Variants in PAM observed in about 807,000 individuals in gnomAD.
PAM encodes peptidyl-glycine alpha-amidating monooxygenase.
In PAM, 72 loss-of-function variants were observed where a neutral mutation model predicts 122.1. That is an observed-to-expected ratio of 0.59 (90% CI 0.49 to 0.72). The LOEUF (loss-of-function observed/expected upper bound fraction) is 0.72. Among genes scored for constraint, PAM ranks in the 30% least tolerant of loss-of-function variants. The pLI, the probability that PAM is intolerant of heterozygous loss-of-function variation, is 0.00. For synonymous variants in PAM, 389 were observed against 404.4 expected, an observed-to-expected ratio of 0.96 and a Z score of 0.46; for missense variants, 1,106 against 1,183.7, an observed-to-expected ratio of 0.93 and a Z score of 0.96.
Position 102,859,335 on chromosome 5 carries a change from A to G in PAM, c.-373-6488A>G, listed in dbSNP as rs1023227344. ...TGCTGATCTTGTATAGGCCCAGGCT[A>G]GTGTGTGTGTGTGTGTGTGTGTGTG... On this transcript the variant is annotated intron_variant, in intron 1 of 25. Transcript: ENST00000438793. Among the ~76,000 whole-genome samples, 136 of 142,418 alleles carry G rather than the reference A, an allele frequency of 9.5e-4. 1 individual carries two copies. The highest frequency in any genetic ancestry group is 4.3e-3 in the Admixed American group (61 of 14,246). 93.4% of individuals were successfully genotyped at this position (142,418 alleles called of 152,430 possible).
At chr5:102,825,711 G>T (rs1428884836) in intron 1 of PAM, among the ~76,000 whole-genome samples, 3 of 152,140 alleles carry the variant, frequency 2.0e-5, no homozygotes, top group African/African-American at 7.2e-5. Context: ...AGCCAGGTTT[G>T]GTGGCATGTG....
chr5:102,848,106 T>C (rs543689129), intron 1 of PAM, among the ~76,000 whole-genome samples: 1 of 152,198 alleles, frequency 6.6e-6, no homozygotes, highest in African/African-American at 2.4e-5. Context: ...TTCTGTAAAA[T>C]TTATTTGGAT....
intron 22 of PAM, among the ~76,000 whole-genome samples, 168 bp downstream of exon 22, chr5:103,017,601 A>G (rs991393219): frequency 6.6e-6 from 1 of 152,216 alleles, no homozygotes; most frequent in Non-Finnish European, 1.5e-5. Context: ...GTGGAAAGAA[A>G]CGATTTTTTT....
rs976466035 is a variant in PAM at position 102,824,422 on chromosome 5, T to C, written c.-373-41401T>C. On this transcript the variant is annotated intron_variant, in intron 1 of 25. Coordinates refer to ENST00000438793, the MANE Select transcript of PAM (RefSeq NM_001177306.2). ...TCATTCTATGTACAAATGGAAGGTG[T>C]AATATGTGATAGTCACTGGGATAGT... Among the ~76,000 whole-genome samples the C allele has an allele frequency of 1.1e-4, 16 of 152,344 alleles. No individual in the cohort carries two copies. In the East Asian group the frequency reaches 3.1e-3, roughly 29 times the overall value.
intron 5 of PAM, 131 bp downstream of exon 5, chr5:102,914,152 A>ATT (rs1802404746): frequency 8.0e-6 from 5 of 621,128 alleles, no homozygotes; most frequent in South Asian, 1.8e-5. Flanking sequence ...AACATTGTTC[A>ATT]TTGTCATCAC....
Position 102,905,616 on chromosome 5 carries a change from C to T in PAM, c.268+4203C>T, listed in dbSNP as rs1012754421. Among the ~76,000 whole-genome samples the T allele has an allele frequency of 2.9e-4, 44 of 151,592 alleles. 1 individual carries two copies. The highest frequency in any genetic ancestry group is 2.3e-3 in the East Asian group (12 of 5,108). On this transcript the variant is annotated intron_variant, in intron 4 of 25. Transcript: ENST00000438793. ...TCACTAGATAGTACGACATAAAGAC[C>T]GAGGTCTGGGCAGGGTACATTGCTC...
chr5:103,016,281 GCCT>G (rs1781969813), intron 21 of PAM, among the ~76,000 whole-genome samples: 1 of 152,120 alleles, frequency 6.6e-6, no homozygotes, highest in Non-Finnish European at 1.5e-5. Flanking sequence ...CTTCTGCCCC[GCCT>G]AAACTGAGCT....
chr5:102,884,861 A>G (rs1792454180), intron 3 of PAM, among the ~76,000 whole-genome samples: 1 of 151,854 alleles, frequency 6.6e-6, no homozygotes, highest in South Asian at 2.1e-4. Context: ...AACAAAGCTC[A>G]CAGCACTTTT....
chr5:102,926,742 T>G (rs893294138), intron 7 of PAM, 74 bp downstream of exon 7: 8 of 768,210 alleles, frequency 1.0e-5, no homozygotes, highest in Non-Finnish European at 1.6e-5. Flanking sequence ...CAAACTATTA[T>G]CTACATCTTA....
chr5:102,961,105 A>G (rs1434593856), intron 13 of PAM, 53 bp from the exon 14 acceptor site: 1 of 861,820 alleles, frequency 1.2e-6, no homozygotes. Context: ...AAACTATTTT[A>G]AGTATGTAAT....
chr5:102,796,060 C>T (rs1443919906), intron 1 of PAM, among the ~76,000 whole-genome samples: 3 of 152,158 alleles, frequency 2.0e-5, no homozygotes, highest in Admixed American at 6.5e-5. Flanking sequence ...AGCAAAAACT[C>T]CTGTGATCTG....
chr5:102,993,166 T>TC (rs1774668522), intron 16 of PAM, among the ~76,000 whole-genome samples: 1 of 152,080 alleles, frequency 6.6e-6, no homozygotes, highest in African/African-American at 2.4e-5. Context: ...CTCCCTTACT[T>TC]CAATATCGCT....
chr5:102,787,670 A>G (rs921193462), intron 1 of PAM, among the ~76,000 whole-genome samples: 4 of 151,934 alleles, frequency 2.6e-5, no homozygotes, highest in Admixed American at 6.6e-5. Context: ...TTAGCAAGGA[A>G]ATTTGTATTT....
At chr5:102,931,465 C>T (rs1000901488) in intron 7 of PAM, among the ~76,000 whole-genome samples, 8 of 152,112 alleles carry the variant, frequency 5.3e-5, no homozygotes, top group African/African-American at 1.2e-4. Flanking sequence ...AATCTTGTTC[C>T]GAAGTGAAAA....
At chr5:102,948,007 C>G (rs1453696462) in intron 8 of PAM, among the ~76,000 whole-genome samples, 1 of 152,046 alleles carries the variant, frequency 6.6e-6, no homozygotes, top group Non-Finnish European at 1.5e-5. Context: ...AGTCTTTTCT[C>G]TTCAGACTTT....
intron 22 of PAM, among the ~76,000 whole-genome samples, 195 bp downstream of exon 22, chr5:103,017,628 T>G (rs1782407589): frequency 6.6e-6 from 1 of 152,228 alleles, no homozygotes; most frequent in Admixed American, 6.5e-5. Context: ...ACTTATCCCC[T>G]TGTTTCCACA....
chr5:102,937,578 A>G (rs192513740), intron 7 of PAM, among the ~76,000 whole-genome samples: 370 of 152,226 alleles, frequency 2.4e-3, no homozygotes, highest in South Asian at 9.8e-3. Flanking sequence ...TTTGTTTATA[A>G]AGCACTCGTT....
Position 103,029,362 on chromosome 5 carries a change from C to A in PAM, c.*297C>A, listed in dbSNP as rs1785892981. The A allele has an allele frequency of 4.1e-6, 1 of 244,278 alleles. No homozygotes were observed. The highest frequency in any genetic ancestry group is 7.8e-6 in the Non-Finnish European group (1 of 128,932). The allele number at this position is 244,278 out of a possible 1,614,324, so 15.1% of individuals were successfully genotyped here. A position where few individuals can be genotyped will look rare whatever the true frequency, so the allele number is the denominator to read the frequency against. The stretch of plus-strand genomic sequence containing the variant: ...GATTTGCCCATTTACACTTTTGAGA[C>A]TTTTTGGTGGATGTAAATAACCCCA... On this transcript the variant is annotated 3_prime_UTR_variant, in exon 26 of 26. Coordinates refer to ENST00000438793, the MANE Select transcript of PAM (RefSeq NM_001177306.2).
intron 1 of PAM, among the ~76,000 whole-genome samples, chr5:102,823,136 C>T (rs1772520333): frequency 6.6e-6 from 1 of 152,098 alleles, no homozygotes; most frequent in South Asian, 2.1e-4. Context: ...GCAGAAAGTG[C>T]ATTGGACTGA....
Sources: allele counts gnomAD v4.1 joint callset (sites outside exome capture counted in the v4.1 genomes callset), GRCh38; gene constraint gnomAD v4.1.1; transcripts MANE v1.5; gene names NCBI Gene and HGNC (gene_info 2026-07-23, HGNC 2026-07-21).